Variants in KTN1 observed in about 807,000 individuals in gnomAD.
The protein encoded by KTN1 is kinectin 1, also known as kinectin.
A neutral mutation model predicts 222.5 loss-of-function variants in KTN1; 130 were observed. The ratio of observed to expected loss-of-function variants is 0.58; its 90% confidence interval spans 0.51 to 0.68. The LOEUF is 0.68. Ranked by LOEUF, KTN1 falls within the 30% of genes least tolerant of loss-of-function variation. The pLI, the probability that KTN1 is intolerant of heterozygous loss-of-function variation, is 0.00. For missense variants in KTN1, 1,508 were observed against 1,500.4 expected (o/e 1.01, Z -0.08); for synonymous variants, 512 against 496.3 (o/e 1.03, Z -0.42).
intron 1 of KTN1, among the ~76,000 whole-genome samples, chr14:55,586,044 C>A (rs184265114): frequency 1.3e-5 from 2 of 152,140 alleles, no homozygotes; most frequent in East Asian, 1.9e-4. Flanking sequence ...AATTATTATT[C>A]TTATGCATGA....
intron 22 of KTN1, 66 bp downstream of exon 22, chr14:55,649,879 A>T (rs113090633): frequency 1.1e-6 from 1 of 895,630 alleles, no homozygotes; most frequent in East Asian, 2.7e-5. Flanking sequence ...GTGTGTGCTT[A>T]GAAATCTAGT....
chr14:55,648,685 T>C (rs2042634646), intron 20 of KTN1, 117 bp from the exon 21 acceptor site: 9 of 706,506 alleles, frequency 1.3e-5, no homozygotes, highest in Non-Finnish European at 2.0e-5. Flanking sequence ...AGTGAGAGTT[T>C]TGGGCCTTCC....
intron 13 of KTN1, among the ~76,000 whole-genome samples, chr14:55,639,571 A>G (rs1006572942): frequency 1.3e-5 from 2 of 151,740 alleles, no homozygotes; most frequent in Non-Finnish European, 3.0e-5. Context: ...TTCTGTGTCC[A>G]GCTCTGTGGT....
intron 5 of KTN1, among the ~76,000 whole-genome samples, chr14:55,619,684 TACTACC>T (rs1315968519): frequency 6.6e-6 from 1 of 152,100 alleles, no homozygotes; most frequent in Non-Finnish European, 1.5e-5. Flanking sequence ...AAGGCTTATT[TACTACC>T]ACAAGAATAA....
At chr14:55,660,596 C>T (rs2044023948) in intron 31 of KTN1, among the ~76,000 whole-genome samples, 1 of 151,544 alleles carries the variant, frequency 6.6e-6, no homozygotes, top group African/African-American at 2.4e-5. Context: ...AATGTTTTTC[C>T]ATCTTGGTTG....
intron 31 of KTN1, 134 bp downstream of exon 31, chr14:55,659,837 G>T (rs1295707292): frequency 6.8e-6 from 4 of 585,522 alleles, no homozygotes; most frequent in Non-Finnish European, 1.2e-5. Flanking sequence ...ATCTTGAATT[G>T]CAGTTTAGAG....
At position 55,629,105 on chromosome 14, in the gene KTN1, T is replaced by C. The variant is rs532390226; in HGVS notation, c.1081-852T>C. On this transcript the variant is annotated intron_variant, in intron 6 of 43. Coordinates refer to ENST00000395314, the MANE Select transcript of KTN1 (RefSeq NM_001079521.2). ...AGTTCATAGTACCGGCAAAACAAAA[T>C]GAAATCCCTCATTTAAGATTTGACT... Among the ~76,000 whole-genome samples, 69 of 152,322 alleles carry C rather than the reference T, an allele frequency of 4.5e-4. No individual in the cohort carries two copies. The South Asian group carries it at 0.014, about 31-fold the overall frequency.
intron 1 of KTN1, among the ~76,000 whole-genome samples, chr14:55,610,850 A>G (rs529684230): frequency 6.6e-5 from 10 of 152,380 alleles, no homozygotes; most frequent in Non-Finnish European, 1.3e-4. Context: ...AGTGATATGT[A>G]TATTCAAGGC....
chr14:55,584,541 C>T (rs898620904), intron 1 of KTN1, among the ~76,000 whole-genome samples: 1 of 152,176 alleles, frequency 6.6e-6, no homozygotes, highest in Non-Finnish European at 1.5e-5. Flanking sequence ...TGTCTCCGTC[C>T]AGTCTTTGCT....
In KTN1 at chr14:55,593,443, C is replaced by CG. The variant is rs201920763; in HGVS notation, c.-31+13089_-31+13090insG. Reference sequence around the variant, plus strand: ...AATTGATCAGAAATAGACACCCCCCCCCCAAAAAAAAAAAAAGAAAACTTG... The same window carrying CG: ...AATTGATCAGAAATAGACACCCCCCCGCCCAAAAAAAAAAAAAGAAAACTTG... On this transcript the variant is annotated intron_variant, in intron 1 of 43. Coordinates refer to ENST00000395314, the MANE Select transcript of KTN1 (RefSeq NM_001079521.2). Among the ~76,000 whole-genome samples, 125 of 141,138 alleles carry CG rather than the reference C, an allele frequency of 8.9e-4. 5 individuals are homozygous for CG. In the East Asian group the frequency reaches 0.025, roughly 28 times the overall value. The allele number at this position is 141,138 out of a possible 152,430, so 92.6% of individuals were successfully genotyped here.
intron 5 of KTN1, among the ~76,000 whole-genome samples, chr14:55,627,008 C>G (rs943912412): frequency 6.6e-6 from 1 of 152,138 alleles, no homozygotes; most frequent in African/African-American, 2.4e-5. Context: ...CAGAGAACTA[C>G]ACATCTATGG....
intron 33 of KTN1, 52 bp downstream of exon 33, chr14:55,664,093 C>A: frequency 8.2e-7 from 1 of 1,213,358 alleles, no homozygotes; most frequent in Non-Finnish European, 1.2e-6. Context: ...AAATCTGCAG[C>A]TTGTCTTAAA....
intron 5 of KTN1, among the ~76,000 whole-genome samples, chr14:55,621,185 C>T (rs1307578386): frequency 6.6e-6 from 1 of 152,106 alleles, no homozygotes; most frequent in African/African-American, 2.4e-5. Context: ...TGACCTCATC[C>T]TGGATTTCAT....
chr14:55,604,392 ATC>A (rs2036433776), intron 1 of KTN1, among the ~76,000 whole-genome samples: 1 of 152,136 alleles, frequency 6.6e-6, no homozygotes, highest in East Asian at 1.9e-4. Context: ...AAATGAGATA[ATC>A]TCTGATCATT....
chr14:55,664,574 A>G (rs973717730), intron 33 of KTN1, among the ~76,000 whole-genome samples: 1 of 152,110 alleles, frequency 6.6e-6, no homozygotes, highest in Non-Finnish European at 1.5e-5. Context: ...ACTGGCTAGC[A>G]ATGACACATG....
At chr14:55,643,612 T>C (rs571693633) in intron 18 of KTN1, among the ~76,000 whole-genome samples, 2 of 152,340 alleles carry the variant, frequency 1.3e-5, no homozygotes, top group South Asian at 2.1e-4. Context: ...AGAATTCTTA[T>C]ATTCTAGTAG....
At chr14:55,592,698 T>C (rs1035880670) in intron 1 of KTN1, among the ~76,000 whole-genome samples, 3 of 152,256 alleles carry the variant, frequency 2.0e-5, no homozygotes, top group African/African-American at 7.2e-5. Context: ...CCTAAGTGTT[T>C]TGTAAATATT....
At chr14:55,580,893 G>A (rs927800161) in intron 1 of KTN1, among the ~76,000 whole-genome samples, 1 of 152,196 alleles carries the variant, frequency 6.6e-6, no homozygotes, top group Non-Finnish European at 1.5e-5. Flanking sequence ...CGGTCTGGGC[G>A]CTCGCCCCCT....
At chr14:55,586,324 A>T (rs368437545) in intron 1 of KTN1, among the ~76,000 whole-genome samples, 2 of 152,206 alleles carry the variant, frequency 1.3e-5, no homozygotes, top group Admixed American at 6.5e-5. Context: ...CCTAAGGCTC[A>T]TTAAGGAATT....
Sources: allele counts gnomAD v4.1 joint callset (sites outside exome capture counted in the v4.1 genomes callset), GRCh38; gene constraint gnomAD v4.1.1; transcripts MANE v1.5; gene names NCBI Gene and HGNC (gene_info 2026-07-23, HGNC 2026-07-21).